The following FBN1 variants were observed in gnomAD, a reference collection of about 807,000 sequenced individuals.
The protein encoded by FBN1 is fibrillin 1, also known as fibrillin-1.
Under a neutral mutation model 365.1 loss-of-function variants are expected in FBN1, and 29 were observed. The ratio of observed to expected loss-of-function variants is 0.08; its 90% CI spans 0.06 to 0.11. The LOEUF is 0.11. Ranked by LOEUF, FBN1 falls within the 10% of genes least tolerant of loss-of-function variation. The pLI is 1.00. For synonymous variants in FBN1, 1,210 were observed against 1,270.5 expected (o/e 0.95, Z 1.01); for missense variants, 2,476 against 3,703.2 (o/e 0.67, Z 8.60).
At chr15:48,514,411 A>C (rs1257951766) in intron 12 of FBN1, among the ~76,000 whole-genome samples, 1 of 152,220 alleles carries the variant, frequency 6.6e-6, no homozygotes. Flanking sequence ...TGTTCATATC[A>C]TCAGGAAATT....
chr15:48,633,737 G>T (rs1890036532), intron 2 of FBN1, among the ~76,000 whole-genome samples: 1 of 152,138 alleles, frequency 6.6e-6, no homozygotes, highest in Non-Finnish European at 1.5e-5. Flanking sequence ...ATGCCCACAG[G>T]ATTGATAAGG....
chr15:48,449,157 TGGG>T lies in FBN1; in HGVS notation c.5546-267_5546-265del, dbSNP rs1483510762. On this transcript the variant is annotated intron_variant, in intron 45 of 65. Transcript: ENST00000316623. ...AAGATGAGAAAACTTAGAAGTAAAA[TGGG>T]GGGATTCAAGCCGGGAGGATTTTCT... is the stretch of plus-strand genomic sequence containing the variant. Among the ~76,000 whole-genome samples, 7 of 152,020 alleles carry T rather than the reference TGGG, an allele frequency of 4.6e-5. No individual in the cohort carries two copies. The South Asian group carries it at 1.5e-3, about 32-fold the overall frequency.
chr15:48,477,414 A>G (rs1051884736), intron 32 of FBN1, among the ~76,000 whole-genome samples: 2 of 152,210 alleles, frequency 1.3e-5, no homozygotes, highest in Non-Finnish European at 2.9e-5. Context: ...GACTATTTGT[A>G]TAAGTTATTA....
chr15:48,413,930 A>T (rs2042882533), intron 64 of FBN1, among the ~76,000 whole-genome samples: 1 of 152,222 alleles, frequency 6.6e-6, no homozygotes, highest in Non-Finnish European at 1.5e-5. Flanking sequence ...TTTATCTTGC[A>T]ACATGAAATA....
chr15:48,599,038 A>G (rs1007699791), intron 5 of FBN1, among the ~76,000 whole-genome samples: 1 of 152,188 alleles, frequency 6.6e-6, no homozygotes, highest in South Asian at 2.1e-4. Context: ...CACCATGATT[A>G]TGAAGCCTCC....
At chr15:48,630,846 C>T (rs183175553) in intron 2 of FBN1, among the ~76,000 whole-genome samples, 12 of 152,052 alleles carry the variant, frequency 7.9e-5, no homozygotes, top group African/African-American at 2.9e-4. Flanking sequence ...GTGATTTACC[C>T]CACGGGGATG....
At chr15:48,513,443 T>C in intron 13 of FBN1, 106 bp downstream of exon 13, 1 of 1,518,696 alleles carries the variant, frequency 6.6e-7, no homozygotes, top group Non-Finnish European at 9.1e-7. Flanking sequence ...CGGGACTGTA[T>C]TAGTCTCTTC....
chr15:48,419,933 C>T (rs1457253376), intron 63 of FBN1, among the ~76,000 whole-genome samples: 1 of 152,202 alleles, frequency 6.6e-6, no homozygotes, highest in African/African-American at 2.4e-5. Flanking sequence ...GTTGTGGGTT[C>T]TAGTTCCAAG....
At chr15:48,604,281 T>C (rs553060182) in intron 4 of FBN1, among the ~76,000 whole-genome samples, 2 of 152,268 alleles carry the variant, frequency 1.3e-5, no homozygotes, top group East Asian at 3.9e-4. Context: ...CTGGGAGCAA[T>C]TTGCACATAA....
intron 8 of FBN1, among the ~76,000 whole-genome samples, chr15:48,532,139 T>A (rs1258661913): frequency 6.6e-6 from 1 of 152,236 alleles, no homozygotes; most frequent in Non-Finnish European, 1.5e-5. Context: ...TTCTGTCTAG[T>A]CCACATCCAT....
At chr15:48,639,392 A>G (rs1364013173) in intron 2 of FBN1, among the ~76,000 whole-genome samples, 2 of 152,190 alleles carry the variant, frequency 1.3e-5, no homozygotes, top group East Asian at 3.8e-4. Context: ...AATGTTACCT[A>G]CCATGGCTGC....
chr15:48,624,977 A>G (rs560026274), intron 2 of FBN1, among the ~76,000 whole-genome samples: 1 of 152,296 alleles, frequency 6.6e-6, no homozygotes, highest in African/African-American at 2.4e-5. Context: ...CAGGGAGATA[A>G]TATCTTCTGA....
At chr15:48,542,402 T>C (rs1444438250) in intron 6 of FBN1, among the ~76,000 whole-genome samples, 1 of 152,120 alleles carries the variant, frequency 6.6e-6, no homozygotes, top group Non-Finnish European at 1.5e-5. Flanking sequence ...ATCCATGACA[T>C]AGAGGGTCAC....
chr15:48,624,302 T>G (rs931866435), intron 2 of FBN1, among the ~76,000 whole-genome samples: 2 of 152,202 alleles, frequency 1.3e-5, no homozygotes, highest in Non-Finnish European at 2.9e-5. Flanking sequence ...ACACTAAGTC[T>G]GCTTGTCTGC....
chr15:48,551,885 A>G (rs935632654), intron 6 of FBN1, among the ~76,000 whole-genome samples: 8 of 152,008 alleles, frequency 5.3e-5, no homozygotes, highest in Admixed American at 2.0e-4. Flanking sequence ...TATGTACCAC[A>G]TTTTCTTTTT....
At chr15:48,414,894 TAAAA>T (rs11299662) in intron 64 of FBN1, among the ~76,000 whole-genome samples, 9 of 137,134 alleles carry the variant, frequency 6.6e-5, no homozygotes, top group Admixed American at 7.2e-5. Flanking sequence ...AGACTCCGTC[TAAAA>T]AAAAAAAAAA....
At chr15:48,639,184 G>GT (rs1890153890) in intron 2 of FBN1, among the ~76,000 whole-genome samples, 5 of 152,164 alleles carry the variant, frequency 3.3e-5, no homozygotes, top group Admixed American at 2.6e-4. Context: ...AAAATTAATG[G>GT]AGAAAGAAAA....
chr15:48,505,953 T>A (rs2043704517), intron 15 of FBN1, among the ~76,000 whole-genome samples: 1 of 152,240 alleles, frequency 6.6e-6, no homozygotes, highest in South Asian at 2.1e-4. Context: ...CCAGGTGCAG[T>A]GGCTCACACT....
At chr15:48,435,768 G>GTATATA (rs371770634) in intron 53 of FBN1, among the ~76,000 whole-genome samples, 1 of 111,316 alleles carries the variant, frequency 9.0e-6, no homozygotes, top group African/African-American at 4.1e-5. Context: ...ATATATATGT[G>GTATATA]TATATGTGTG....
Sources: gnomAD v4.1 joint callset for allele counts (sites outside exome capture counted in the v4.1 genomes callset) on GRCh38, gnomAD v4.1.1 for gene constraint, MANE v1.5 for transcripts, NCBI Gene and HGNC (gene_info 2026-07-23, HGNC 2026-07-21) for gene names.